Variants in XKR4 observed in about 807,000 individuals in gnomAD.
The protein encoded by XKR4 is XK-related protein 4.
XKR4 carries 12 observed loss-of-function variants against 53.9 expected under a neutral mutation model. The observed-to-expected ratio is 0.22, with a 90% confidence interval of 0.14 to 0.36. The LOEUF (loss-of-function observed/expected upper bound fraction) is 0.36, where lower values mean the gene tolerates loss of function less well. XKR4 is among the 10% of genes least tolerant of loss of function. The pLI is 1.00. For missense variants in XKR4, 799 were observed against 859.5 expected (o/e 0.93, Z 0.88); for synonymous variants, 354 against 362.4 (o/e 0.98, Z 0.26).
chr8:55,473,771 C>T (rs1026621254), intron 2 of XKR4, among the ~76,000 whole-genome samples: 6 of 152,034 alleles, frequency 3.9e-5, no homozygotes, highest in Non-Finnish European at 8.8e-5. Context: ...CACTTAAACC[C>T]AAAGTTACAA....
In XKR4 at chr8:55,470,777, T is replaced by C. The variant is rs1219407333; in HGVS notation, c.1007-52504T>C. Among the ~76,000 whole-genome samples, 6 of 152,276 alleles carry C rather than the reference T, an allele frequency of 3.9e-5. No individual in the cohort carries two copies. The East Asian group carries it at 9.6e-4, about 24-fold the overall frequency. On this transcript the variant is annotated intron_variant, in intron 2 of 2. Transcript: ENST00000327381. ...ATAATTTATGGATCCTTCCTACTGA[T>C]CACTTTCTATGATCACTATAATAAG...
At chr8:55,358,113 A>G (rs1280224900) in intron 2 of XKR4, among the ~76,000 whole-genome samples, 1 of 152,186 alleles carries the variant, frequency 6.6e-6, no homozygotes, top group African/African-American at 2.4e-5. Flanking sequence ...GAAAAAAAAA[A>G]TCTTTATGAT....
intron 2 of XKR4, among the ~76,000 whole-genome samples, chr8:55,493,839 G>A (rs181626802): frequency 1.3e-5 from 2 of 152,306 alleles, no homozygotes; most frequent in African/African-American, 4.8e-5. Context: ...AACAATGATT[G>A]TATTGATTTC....
chr8:55,402,576 A>T (rs1045665626), intron 2 of XKR4, among the ~76,000 whole-genome samples: 1 of 152,220 alleles, frequency 6.6e-6, no homozygotes, highest in East Asian at 1.9e-4. Context: ...CATAAGCCCC[A>T]TCCATTTCTG....
chr8:55,269,689 G>C (rs1273445270), intron 1 of XKR4, among the ~76,000 whole-genome samples: 2 of 152,128 alleles, frequency 1.3e-5, no homozygotes, highest in African/African-American at 4.8e-5. Flanking sequence ...GTTAGCACCC[G>C]ATCAGAGCTA....
Position 55,179,347 on chromosome 8 carries a change from T to C in XKR4, c.806+76053T>C, listed in dbSNP as rs1181620737. Among the ~76,000 whole-genome samples the C allele has an allele frequency of 2.0e-5, 3 of 152,202 alleles. No individual in the cohort carries two copies. The East Asian group carries it at 5.8e-4, about 29-fold the overall frequency. Reference sequence around the variant, plus strand: ...TGAGTGAGTGACTGCTGTATGCCAGTGCCGACATGCAAGACTTCTCAAAAT... The same window carrying C: ...TGAGTGAGTGACTGCTGTATGCCAGCGCCGACATGCAAGACTTCTCAAAAT... On this transcript the variant is annotated intron_variant, in intron 1 of 2. Transcript: ENST00000327381.
At chr8:55,476,035 C>T (rs182247295) in intron 2 of XKR4, among the ~76,000 whole-genome samples, 80 of 152,150 alleles carry the variant, frequency 5.3e-4, no homozygotes, top group African/African-American at 1.8e-3. Flanking sequence ...TGTTAGCCAC[C>T]GCACCTGGCT....
At chr8:55,462,847 T>G (rs1367813091) in intron 2 of XKR4, among the ~76,000 whole-genome samples, 4 of 151,986 alleles carry the variant, frequency 2.6e-5, no homozygotes, top group Non-Finnish European at 5.9e-5. Context: ...AAAACAGACT[T>G]TAAACCAACA....
In XKR4 at chr8:55,320,643, T is replaced by C. The variant is rs1803195838; in HGVS notation, c.807-37035T>C. On this transcript the variant is annotated intron_variant, in intron 1 of 2. Transcript: ENST00000327381. ...ATCCTAACATGATTTGTGGGGAGCA[T>C]ATCCTTCTTTTTTCATCTCCACTAA... Among the ~76,000 whole-genome samples, 3 of 152,098 alleles carry C rather than the reference T, an allele frequency of 2.0e-5. No homozygotes were observed. In the South Asian group the frequency reaches 6.2e-4, roughly 32 times the overall value.
At chr8:55,466,446 G>T (rs528121356) in intron 2 of XKR4, among the ~76,000 whole-genome samples, 1 of 152,038 alleles carries the variant, frequency 6.6e-6, no homozygotes, top group Non-Finnish European at 1.5e-5. Context: ...GAGAACACAT[G>T]GACACAGGAA....
At chr8:55,485,411 C>T (rs1340129659) in intron 2 of XKR4, among the ~76,000 whole-genome samples, 2 of 152,168 alleles carry the variant, frequency 1.3e-5, no homozygotes, top group Non-Finnish European at 2.9e-5. Context: ...GTTCAGCAAG[C>T]TCATAGAATA....
At chr8:55,131,320 A>C (rs1295624481) in intron 1 of XKR4, among the ~76,000 whole-genome samples, 1 of 152,196 alleles carries the variant, frequency 6.6e-6, no homozygotes, top group Non-Finnish European at 1.5e-5. Flanking sequence ...AGAAAACAGG[A>C]AGGTTTTCCT....
intron 1 of XKR4, among the ~76,000 whole-genome samples, chr8:55,285,353 T>A (rs1335919186): frequency 6.6e-6 from 1 of 152,124 alleles, no homozygotes; most frequent in African/African-American, 2.4e-5. Context: ...AGGTCTATGA[T>A]GGGAAGTGGG....
chr8:55,343,187 C>T (rs1215559569), intron 1 of XKR4, among the ~76,000 whole-genome samples: 7 of 152,154 alleles, frequency 4.6e-5, no homozygotes, highest in Non-Finnish European at 1.5e-5. Context: ...TTTCAACAGC[C>T]CATTTACCAA....
intron 2 of XKR4, among the ~76,000 whole-genome samples, chr8:55,424,036 C>T (rs1804974097): frequency 6.6e-6 from 1 of 152,216 alleles, no homozygotes; most frequent in South Asian, 2.1e-4. Flanking sequence ...AAACGCACAC[C>T]TGGGCCATCC....
chr8:55,363,599 G>A (rs1224675188), intron 2 of XKR4, among the ~76,000 whole-genome samples: 1 of 152,098 alleles, frequency 6.6e-6, no homozygotes, highest in Non-Finnish European at 1.5e-5. Context: ...CCACCTCATC[G>A]CGAAGCAGGT....
Position 55,160,323 on chromosome 8 carries a change from G to T in XKR4, c.806+57029G>T, listed in dbSNP as rs148813314. Among the ~76,000 whole-genome samples the T allele has an allele frequency of 4.1e-3, 617 of 152,282 alleles. 3 individuals are homozygous for T. Among genetic ancestry groups the T allele is most frequent in the Middle Eastern group, 6.8e-3 (2 of 292 alleles). On this transcript the variant is annotated intron_variant, in intron 1 of 2. Coordinates refer to ENST00000327381, the MANE Select transcript of XKR4 (RefSeq NM_052898.2). ...GTTTAAATTAGTTGCCATGTAATTT[G>T]CAATATAAGCTGGAAAGGAGGGGAG...
rs905944447 is a variant in XKR4 at position 55,523,353 on chromosome 8, C to T, written c.1079C>T (p.Ser360Phe). 6.2e-7 allele frequency: 1 copy of T among 1,614,222 alleles called. No individual in the cohort carries two copies. Among genetic ancestry groups the T allele is most frequent in the Middle Eastern group, 1.6e-4 (1 of 6,062 alleles). Residue 360 changes from serine (S) to phenylalanine (F), a missense_variant, in exon 3 of 3, where the codon TCT becomes TTT. Coordinates refer to ENST00000327381, the MANE Select transcript of XKR4 (RefSeq NM_052898.2). ...LASYQKALRD[S>F]RDDKKPISYM... The stretch of plus-strand genomic sequence containing the variant: ...TCCTACCAGAAGGCCCTCCGGGACT[C>T]TCGAGATGACAAGAAGCCCATCAGC...
rs546455029 is a variant in XKR4 at position 55,463,958 on chromosome 8, A to G, written c.1007-59323A>G. 8.3e-4 allele frequency among the ~76,000 whole-genome samples: 127 copies of G among 152,272 alleles called. 1 individual carries two copies. Among genetic ancestry groups the G allele is most frequent in the African/African-American group, 2.9e-3 (122 of 41,516 alleles). On this transcript the variant is annotated intron_variant, in intron 2 of 2. Transcript: ENST00000327381. ...TTGAATCTCTGAATAGACCAATAAC[A>G]GGCTCTGAAATTGAGGCAATAATTA...
Sources: gnomAD v4.1 joint callset for allele counts (sites outside exome capture counted in the v4.1 genomes callset) on GRCh38, gnomAD v4.1.1 for gene constraint, MANE v1.5 for transcripts, NCBI Gene and HGNC (gene_info 2026-07-23, HGNC 2026-07-21) for gene names.